The following SFTPB variants were observed in gnomAD, a reference collection of about 807,000 sequenced individuals.
SFTPB encodes surfactant protein B.
A neutral mutation model predicts 51.0 loss-of-function variants in SFTPB; 32 were observed. The observed-to-expected ratio is 0.63, with a 90% CI of 0.47 to 0.84. SFTPB has a LOEUF of 0.84. SFTPB is among the 40% of genes least tolerant of loss of function. SFTPB has a pLI of 0.00. For missense variants in SFTPB, 431 were observed against 491.2 expected, an observed-to-expected ratio of 0.88 and a Z score of 1.16; for synonymous variants, 211 against 208.5, an observed-to-expected ratio of 1.01 and a Z score of -0.10.
rs1252902370 is a variant in SFTPB at position 85,662,228 on chromosome 2, C to T, written c.1003-119G>A. 36 of 1,533,842 alleles carry T rather than the reference C, an allele frequency of 2.3e-5. No homozygotes were observed. In the South Asian group the frequency reaches 3.9e-4, roughly 16 times the overall value. On this transcript the variant is annotated intron_variant, in intron 8 of 10. Transcript: ENST00000519937. ...GCTCCCTCCCGACTCCTCCATCAGCCCTCACGGAACACCTCTGGCTGCAGT... is the reference window on the plus strand; with the variant it reads ...GCTCCCTCCCGACTCCTCCATCAGCTCTCACGGAACACCTCTGGCTGCAGT...
At chr2:85,662,447 G>A (rs926927219) in intron 8 of SFTPB, among the ~76,000 whole-genome samples, 1 of 152,168 alleles carries the variant, frequency 6.6e-6, no homozygotes, top group Non-Finnish European at 1.5e-5. Flanking sequence ...ATGGGCAGTC[G>A]GGAGGCTTGG....
At chr2:85,666,060 G>A (rs897428336) in intron 4 of SFTPB, among the ~76,000 whole-genome samples, 1 of 152,164 alleles carries the variant, frequency 6.6e-6, no homozygotes, top group East Asian at 1.9e-4. Context: ...GAGAGTGAGG[G>A]TGTAAGGGTG....
rs1397571893 is a variant in SFTPB at position 85,662,013 on chromosome 2, G to A, written c.1083+16C>T. 1.3e-6 allele frequency: 2 copies of A among 1,589,174 alleles called. No homozygotes were observed. Among genetic ancestry groups the A allele is most frequent in the Admixed American group, 3.7e-5 (2 of 54,236 alleles). On this transcript the variant is annotated intron_variant, in intron 9 of 10. Coordinates refer to ENST00000519937, the MANE Select transcript of SFTPB (RefSeq NM_000542.5). ...CCAAGGGAAGTCCTAGGACCAACTG[G>A]GAGGGGTGGGTGTACCTGGCAGGTG...
At chr2:85,667,221 G>A in intron 2 of SFTPB, 44 bp from the exon 3 acceptor site, 1 of 1,436,282 alleles carries the variant, frequency 7.0e-7, no homozygotes, top group Non-Finnish European at 9.8e-7. Flanking sequence ...ATGAGTGGGG[G>A]AGGCTCCCAG....
intron 8 of SFTPB, among the ~76,000 whole-genome samples, chr2:85,663,070 C>T (rs1297292853): frequency 6.6e-6 from 1 of 152,140 alleles, no homozygotes; most frequent in East Asian, 1.9e-4. Flanking sequence ...TGGTAGATAA[C>T]CAGGCCTCTG....
upstream of SFTPB, among the ~76,000 whole-genome samples, chr2:85,668,482 C>G (rs953038612): frequency 6.6e-6 from 1 of 152,146 alleles, no homozygotes; most frequent in African/African-American, 2.4e-5. Context: ...CTCTCCAGGC[C>G]GTGGGAGGGA....
In SFTPB at chr2:85,667,660, C is replaced by T; in HGVS notation, c.195+19G>A. ...TCATTTCAGACCCCCAGTTGCCATGCATCCTTGGTGGTACTCACGGCTCCC... is the reference window on the plus strand; with the variant it reads ...TCATTTCAGACCCCCAGTTGCCATGTATCCTTGGTGGTACTCACGGCTCCC... On this transcript the variant is annotated intron_variant, in intron 2 of 10. Transcript: ENST00000519937. 6.2e-7 allele frequency: 1 copy of T among 1,614,230 alleles called. No individual in the cohort carries two copies. Among genetic ancestry groups the T allele is most frequent in the South Asian group, 1.1e-5 (1 of 91,090 alleles).
chr2:85,662,866 A>T (rs886722131), intron 8 of SFTPB, among the ~76,000 whole-genome samples: 2 of 148,124 alleles, frequency 1.4e-5, no homozygotes, highest in Non-Finnish European at 3.0e-5. Flanking sequence ...AAAAAAAAAA[A>T]GGGAATTTCC....
intron 7 of SFTPB, 46 bp from the exon 8 acceptor site, chr2:85,663,537 A>G: frequency 2.5e-6 from 4 of 1,609,846 alleles, no homozygotes; most frequent in Middle Eastern, 1.7e-4. Flanking sequence ...GCCACCCTAC[A>G]GAGGTGTTTG....
chr2:85,666,525 G>GT, intron 4 of SFTPB, 92 bp downstream of exon 4: 4 of 1,229,426 alleles, frequency 3.3e-6, no homozygotes, highest in Non-Finnish European at 4.6e-6. Flanking sequence ...GTGTGTGTCT[G>GT]GCTGGCTGGG....
At chr2:85,666,945 C>T (rs929894179) in intron 3 of SFTPB, among the ~76,000 whole-genome samples, 161 bp downstream of exon 3, 1 of 152,110 alleles carries the variant, frequency 6.6e-6, no homozygotes, top group Non-Finnish European at 1.5e-5. Flanking sequence ...CTATTGAGCT[C>T]AGGGCCATGA....
Position 85,662,075 on chromosome 2 carries a change from A to G in SFTPB, c.1037T>C (p.Leu346Pro), listed in dbSNP as rs2104395625. The G allele has an allele frequency of 2.6e-5, 41 of 1,603,974 alleles. No individual in the cohort carries two copies. Among genetic ancestry groups the G allele is most frequent in the Non-Finnish European group, 3.4e-5 (40 of 1,176,516 alleles). Residue 346 changes from leucine to proline, a missense_variant, in exon 9 of 11, where the codon CTG (leucine) becomes CCG (proline). Leu to Pro is a moderately conservative substitution (Grantham distance 98). Transcript: ENST00000519937. ...KQFVEQHTPQ[L>P]LTLVPRGWDA... ...CCAGCCCCTGGGCACCAGGGTCAGC[A>G]GCTGGGGCGTGTGCTGCTCCACAAA...
chr2:85,664,487 CAG>C (rs1278723823), intron 6 of SFTPB, among the ~76,000 whole-genome samples: 5 of 151,958 alleles, frequency 3.3e-5, no homozygotes, highest in Admixed American at 2.6e-4. Flanking sequence ...TTTTTTGAGA[CAG>C]AGTCTTGCTC....
intron 3 of SFTPB, 120 bp downstream of exon 3, chr2:85,666,985 TC>T: frequency 9.8e-7 from 1 of 1,019,208 alleles, no homozygotes; most frequent in Non-Finnish European, 1.5e-6. Flanking sequence ...AGCTGGGACT[TC>T]CCAGGCACCC....
In SFTPB at chr2:85,661,506, G is replaced by C; in HGVS notation, c.1113C>G (p.Ser371Arg). 1 of 1,612,208 alleles carries C rather than the reference G, an allele frequency of 6.2e-7. No homozygotes were observed. The highest frequency in any genetic ancestry group is 8.5e-7 in the Non-Finnish European group (1 of 1,179,292). ...CGGGGCTGTGGATACACTGGAGAGG[G>C]CTGGACATGGTCCCACACACCCCGA... is the stretch of plus-strand genomic sequence containing the variant. ...QALGVCGTMS[S>R]PLQCIHSPDL Residue 371 changes from serine (S) to arginine (R), a missense_variant, in exon 10 of 11, where the codon AGC (serine) becomes AGG (arginine). By Grantham distance (110) the Ser-to-Arg change is moderately radical. Coordinates refer to ENST00000519937, the MANE Select transcript of SFTPB (RefSeq NM_000542.5).
chr2:85,665,489 TG>T, intron 5 of SFTPB, 111 bp from the exon 6 acceptor site: 11 of 1,451,250 alleles, frequency 7.6e-6, no homozygotes, highest in Non-Finnish European at 7.7e-6. Flanking sequence ...AGGCCCTGCC[TG>T]GAGCTTCCTA....
At chr2:85,667,434 A>G (rs1189728366) in intron 2 of SFTPB, among the ~76,000 whole-genome samples, 1 of 147,708 alleles carries the variant, frequency 6.8e-6, no homozygotes, top group Admixed American at 6.8e-5. Context: ...ATTCTATGTC[A>G]TCCTATCCTA....
Position 85,661,441 on chromosome 2 carries a change from G to T in SFTPB, c.*19+13C>A. The T allele has an allele frequency of 6.3e-7, 1 of 1,590,300 alleles. No individual in the cohort carries two copies. Among genetic ancestry groups the T allele is most frequent in the Non-Finnish European group, 8.6e-7 (1 of 1,164,272 alleles). ...GCCCCCTTACCTCCCCGCAACTGGG[G>T]GCCTGGACTCACCTGGACAGCTGAG... is the stretch of plus-strand genomic sequence containing the variant. On this transcript the variant is annotated intron_variant, in intron 10 of 10. Transcript: ENST00000519937.
chr2:85,665,695 G>T lies in SFTPB; in HGVS notation c.493C>A (p.Arg165=). Residue 165 remains arginine (R), a synonymous_variant, in exon 5 of 11, where the codon CGG becomes AGG. Transcript: ENST00000519937. ...AGCAGAGGGTCTGGCAGAGGGTCCC[G>T]CAGAGGTTTGGGCAGGGGGTCTGAC... The part of the protein sequence containing the change: ...GMSDPLPKPL[R]DPLPDPLLDK... 1 of 1,614,238 alleles carries T rather than the reference G, an allele frequency of 6.2e-7. No individual in the cohort carries two copies.
Sources: allele counts gnomAD v4.1 joint callset (sites outside exome capture counted in the v4.1 genomes callset), GRCh38; gene constraint gnomAD v4.1.1; transcripts MANE v1.5; gene names NCBI Gene and HGNC (gene_info 2026-07-23, HGNC 2026-07-21).